Variants in S100PBP observed in about 807,000 individuals in gnomAD.
S100PBP encodes S100P-binding protein.
A neutral mutation model predicts 39.9 loss-of-function variants in S100PBP; 15 were observed. The ratio of observed to expected loss-of-function variants is 0.38; its 90% CI spans 0.25 to 0.58. The LOEUF is 0.58. Among genes scored for constraint, S100PBP ranks in the 20% least tolerant of loss-of-function variants. The probability of loss-of-function intolerance (pLI) is 0.70; values close to 1 mark genes in which losing one functional copy is unlikely to be tolerated. For synonymous variants in S100PBP, 178 were observed against 180.3 expected, an observed-to-expected ratio of 0.99 and a Z score of 0.10; for missense variants, 504 against 487.3, an observed-to-expected ratio of 1.03 and a Z score of -0.32.
rs149190046 is a variant in S100PBP, at chr1:32,826,405, C to T, written c.306C>T (p.Tyr102=). 5.6e-5 allele frequency: 91 copies of T among 1,614,146 alleles called. No individual in the cohort carries two copies. In the African/African-American group the frequency reaches 1.0e-3, roughly 18 times the overall value. Residue 102 remains tyrosine (Y), a synonymous_variant, in exon 3 of 7, where the codon TAC becomes TAT. Transcript: ENST00000373475. ...LDTPREKNSS[Y]SLGPVAETPD... ...CTCCCCGAGAGAAAAATTCATCGTA[C>T]AGCCTGGGACCAGTAGCTGAGACTC...
chr1:32,830,210 A>G (rs756781718), intron 5 of S100PBP, 143 bp downstream of exon 5: 6 of 636,684 alleles, frequency 9.4e-6, no homozygotes, highest in South Asian at 2.0e-5. Flanking sequence ...ATTTTCACTT[A>G]AAAGGATTGC....
chr1:32,829,480 AGAGACAGGGTCTCACTCT>A (rs1639492966), intron 4 of S100PBP, among the ~76,000 whole-genome samples: 1 of 151,956 alleles, frequency 6.6e-6, no homozygotes, highest in African/African-American at 2.4e-5. Flanking sequence ...TGATTTTTTT[AGAGACAGGGTCTCACTCT>A]GTGGCCCAAG....
At chr1:32,824,045 C>T (rs1181151351) in intron 1 of S100PBP, among the ~76,000 whole-genome samples, 1 of 151,918 alleles carries the variant, frequency 6.6e-6, no homozygotes, top group Non-Finnish European at 1.5e-5. Flanking sequence ...AAAAATACAA[C>T]AAATTAGCCG....
chr1:32,830,131 C>A, intron 5 of S100PBP, 64 bp downstream of exon 5: 1 of 976,464 alleles, frequency 1.0e-6, no homozygotes, highest in Non-Finnish European at 1.6e-6. Flanking sequence ...TCCGGTGTAA[C>A]AGCTTAAACT....
chr1:32,855,971 A>G lies in S100PBP; in HGVS notation c.1160A>G (p.Gln387Arg). Residue 387 changes from glutamine (Q) to arginine (R), a missense_variant, in exon 7 of 7, where the codon CAG becomes CGG. By Grantham distance (43) the Gln-to-Arg change is conservative. Transcript: ENST00000373475. ...QKHLQRYSLT[Q>R]WVDRNMRSHH... ...CATCTGCAAAGATACAGTCTGACTC[A>G]GTGGGTTGACAGGAACATGCGAAGC... 1 of 1,613,792 alleles carries G rather than the reference A, an allele frequency of 6.2e-7. No homozygotes were observed.
chr1:32,817,521 A>G, upstream of S100PBP: 1 of 586,826 alleles, frequency 1.7e-6, no homozygotes, highest in Non-Finnish European at 3.0e-6. Context: ...GCGGGGCACA[A>G]CCCTCCTAGA....
intron 1 of S100PBP, chr1:32,817,985 G>T (rs547181978): frequency 1.3e-5 from 2 of 152,486 alleles, no homozygotes; most frequent in African/African-American, 4.8e-5. Context: ...CTGCCCAGTG[G>T]GGGTGGGGGC....
chr1:32,829,976 G>C lies in S100PBP; in HGVS notation c.933G>C (p.Pro311=). 6.2e-7 allele frequency: 1 copy of C among 1,613,178 alleles called. No homozygotes were observed. The highest frequency in any genetic ancestry group is 1.1e-5 in the South Asian group (1 of 91,020). ...VLQTKTRTNV[P]TFSQSNLEQQ... ...TGCTTTATTCAAGGACTAATGTTCC[G>C]ACGTTTTCACAGTCAAATCTAGAAC... Residue 311 remains proline, a synonymous_variant, in exon 5 of 7, where the codon CCG becomes CCC. Coordinates refer to ENST00000373475, the MANE Select transcript of S100PBP (RefSeq NM_022753.4).
At chr1:32,824,410 T>C (rs1392132234) in intron 1 of S100PBP, among the ~76,000 whole-genome samples, 1 of 152,188 alleles carries the variant, frequency 6.6e-6, no homozygotes. Flanking sequence ...AAAATAATTA[T>C]AGATTAGGTC....
intron 5 of S100PBP, among the ~76,000 whole-genome samples, chr1:32,845,597 T>C (rs1569929620): frequency 6.6e-6 from 1 of 152,046 alleles, no homozygotes; most frequent in Admixed American, 6.6e-5. Flanking sequence ...TTGAGAACTT[T>C]CTATTTTCTC....
chr1:32,817,645 A>G (rs1638798334), upstream of S100PBP: 1 of 272,662 alleles, frequency 3.7e-6, no homozygotes, highest in East Asian at 8.0e-5. Context: ...CAGGGGGCGG[A>G]GTGAGGCGCA....
At chr1:32,843,906 C>T (rs1362623944) in intron 5 of S100PBP, among the ~76,000 whole-genome samples, 3 of 151,568 alleles carry the variant, frequency 2.0e-5, no homozygotes, top group Non-Finnish European at 4.4e-5. Flanking sequence ...TTCCCATCCC[C>T]TTGTTGACTT....
upstream of S100PBP, chr1:32,817,158 A>T: frequency 6.2e-7 from 1 of 1,613,790 alleles, no homozygotes; most frequent in Non-Finnish European, 8.5e-7. Flanking sequence ...CCTAATCCCC[A>T]ACGGCGCATT....
chr1:32,842,443 G>A (rs902256839), intron 5 of S100PBP, among the ~76,000 whole-genome samples: 4 of 151,548 alleles, frequency 2.6e-5, no homozygotes, highest in African/African-American at 7.3e-5. Context: ...TTCCACTAGT[G>A]TTCTTATTTT....
intron 4 of S100PBP, 83 bp downstream of exon 4, chr1:32,828,164 G>A: frequency 1.1e-6 from 1 of 904,220 alleles, no homozygotes; most frequent in Non-Finnish European, 1.7e-6. Context: ...TCCTCTTAGT[G>A]CAGGGAAAAA....
At chr1:32,852,127 A>G (rs753562343) in intron 5 of S100PBP, among the ~76,000 whole-genome samples, 2 of 152,102 alleles carry the variant, frequency 1.3e-5, no homozygotes, top group Non-Finnish European at 2.9e-5. Context: ...AGCCTCGCCA[A>G]CATGATGAAA....
chr1:32,827,912 T>C lies in S100PBP; in HGVS notation c.832-81T>C, dbSNP rs557146979. On this transcript the variant is annotated intron_variant, in intron 3 of 6. Coordinates refer to ENST00000373475, the MANE Select transcript of S100PBP (RefSeq NM_022753.4). The stretch of plus-strand genomic sequence containing the variant: ...GCTTTTGTAGCCTTTAGTTAAAAAA[T>C]ATTTCCATAAATAGTGTTTTCAGTG... The C allele has an allele frequency of 1.3e-4, 121 of 964,874 alleles. 2 individuals are homozygous for C. The South Asian group carries it at 1.6e-3, about 12-fold the overall frequency. 59.8% of individuals were successfully genotyped at this position (964,874 alleles called of 1,614,324 possible).
At chr1:32,852,550 A>G (rs1010292183) in intron 5 of S100PBP, among the ~76,000 whole-genome samples, 4 of 152,038 alleles carry the variant, frequency 2.6e-5, no homozygotes, top group Non-Finnish European at 4.4e-5. Flanking sequence ...TCTTGAATGT[A>G]TTTGCTGTCT....
At chr1:32,829,795 G>A (rs1639510700) in intron 4 of S100PBP, among the ~76,000 whole-genome samples, 169 bp from the exon 5 acceptor site, 1 of 151,750 alleles carries the variant, frequency 6.6e-6, no homozygotes, top group Admixed American at 6.6e-5. Context: ...CTCCATTTTA[G>A]TTTTTTTTGT....
Sources: gnomAD v4.1 joint callset for allele counts (sites outside exome capture counted in the v4.1 genomes callset) on GRCh38, gnomAD v4.1.1 for gene constraint, MANE v1.5 for transcripts, NCBI Gene and HGNC (gene_info 2026-07-23, HGNC 2026-07-21) for gene names.